Variants in CLEC12A observed in about 807,000 individuals in gnomAD.
The protein encoded by CLEC12A is C-type lectin protein CLL-1.
In CLEC12A, 22 loss-of-function variants were observed where a neutral mutation model predicts 26.5. That is an observed-to-expected ratio of 0.83 (90% confidence interval 0.59 to 1.19). The LOEUF is 1.19. Ranked by LOEUF, CLEC12A falls within the 50% of genes most tolerant of loss-of-function variation. The pLI is 0.00. For synonymous variants in CLEC12A, 119 were observed against 101.9 expected (o/e 1.17, Z -1.01); for missense variants, 353 against 315.6 (o/e 1.12, Z -0.90).
At chr12:9,991,763 A>T (rs1262034394) in intron 4 of CLEC12A, 4 of 152,180 alleles carry the variant, frequency 2.6e-5, no homozygotes, top group Non-Finnish European at 5.9e-5. Flanking sequence ...GATACTTTAT[A>T]TAATCATATT....
chr12:9,985,765 G>A (rs1864750595), downstream of CLEC12A: 1 of 300,036 alleles, frequency 3.3e-6, no homozygotes, highest in Non-Finnish European at 6.0e-6. Context: ...TTATACCCAA[G>A]AGGCTTTGTT....
At chr12:10,002,661 C>CTA in the CLEC12A span, among the ~76,000 whole-genome samples, 2 of 151,986 alleles carry the variant, frequency 1.3e-5, no homozygotes, top group Non-Finnish European at 2.9e-5. Context: ...CCAGGATGAT[C>CTA]TCGATCTCCT....
chr12:9,980,684 G>T lies in CLEC12A; in HGVS notation c.482G>T (p.Cys161Phe). ...ACATGGCAGGAGAGTAAAATGGCCT[G>T]TGCTGCTCAGAATGCCAGCCTGTTG... ...VQTWQESKMA[C>F]AAQNASLLKI... The change falls in exon 4 of 6, where the codon TGT becomes TTT. Residue 161 changes from cysteine (C) to phenylalanine (F), a missense_variant. By Grantham distance (205) the Cys-to-Phe change is radical. Coordinates refer to ENST00000304361, the MANE Select transcript of CLEC12A (RefSeq NM_138337.6). The T allele has an allele frequency of 6.2e-7, 1 of 1,613,830 alleles. No homozygotes were observed. The highest frequency in any genetic ancestry group is 8.5e-7 in the Non-Finnish European group (1 of 1,179,848).
chr12:10,002,669 C>G, the CLEC12A span, among the ~76,000 whole-genome samples: 3 of 152,028 alleles, frequency 2.0e-5, no homozygotes, highest in Non-Finnish European at 4.4e-5. Context: ...ATCTCGATCT[C>G]CTGACCTCGT....
In CLEC12A at chr12:9,953,487, G is replaced by A. The variant is rs551028123; in HGVS notation, c.10+2131G>A. Among the ~76,000 whole-genome samples, 868 of 109,168 alleles carry A rather than the reference G, an allele frequency of 8.0e-3. 12 individuals carry two copies. Among genetic ancestry groups the A allele is most frequent in the Admixed American group, 0.015 (144 of 9,414 alleles). The allele number at this position is 109,168 out of a possible 152,430, so 71.6% of individuals were successfully genotyped here. On this transcript the variant is annotated intron_variant, in intron 1 of 6. Coordinates refer to the CLEC12A transcript ENST00000355690. ...GGTCAGCCCCCCCGCCCAGCCAGCC[G>A]CCCCGTCCGGGAGGTGAGGGGCGCC...
chr12:9,993,453 G>A, intron 4 of CLEC12A: 1 of 645,084 alleles, frequency 1.6e-6, no homozygotes, highest in Non-Finnish European at 2.7e-6. Flanking sequence ...ACCCTGCTTG[G>A]CAGTACAAGA....
chr12:9,960,926 T>A (rs1000407439), intron 1 of CLEC12A, among the ~76,000 whole-genome samples: 2 of 152,282 alleles, frequency 1.3e-5, no homozygotes, highest in African/African-American at 4.8e-5. Flanking sequence ...AGCATCAAAC[T>A]CTGTAAAATA....
intron 1 of CLEC12A, among the ~76,000 whole-genome samples, chr12:9,961,260 G>A (rs530387740): frequency 9.2e-5 from 14 of 152,314 alleles, no homozygotes; most frequent in Admixed American, 6.5e-5. Context: ...ATAATGAAGC[G>A]TGTTCGACAC....
chr12:9,952,859 C>T (rs1336594454), intron 1 of CLEC12A: 4 of 111,060 alleles, frequency 3.6e-5, no homozygotes, highest in Non-Finnish European at 1.9e-5. Flanking sequence ...CGCCTCTGCC[C>T]GGCCGAGACC....
downstream of CLEC12A, chr12:9,996,688 A>G: frequency 1.3e-6 from 1 of 764,744 alleles, no homozygotes; most frequent in Non-Finnish European, 2.3e-6. Context: ...TGGATTGAAT[A>G]TCTGGGTTCT....
At chr12:9,966,266 G>A (rs1338312361) in intron 1 of CLEC12A, among the ~76,000 whole-genome samples, 1 of 152,220 alleles carries the variant, frequency 6.6e-6, no homozygotes, top group Non-Finnish European at 1.5e-5. Context: ...CCTCCACTGT[G>A]AGAGTTACCT....
chr12:9,997,060 A>C (rs1159884414), downstream of CLEC12A: 3 of 1,609,166 alleles, frequency 1.9e-6, no homozygotes, highest in Admixed American at 3.4e-5. Context: ...CATTTTCTTC[A>C]CATTCAATGT....
intron 4 of CLEC12A, chr12:9,991,565 C>T (rs1864893344): frequency 6.6e-6 from 1 of 152,038 alleles, no homozygotes; most frequent in Non-Finnish European, 1.5e-5. Flanking sequence ...TCCAAGATCT[C>T]CAGACATTTG....
chr12:9,955,473 CT>C (rs1161241236), intron 1 of CLEC12A, among the ~76,000 whole-genome samples: 1 of 152,112 alleles, frequency 6.6e-6, no homozygotes, highest in African/African-American at 2.4e-5. Flanking sequence ...GCTTTGATAT[CT>C]CTTTTCTCAT....
chr12:9,973,294 C>G (rs1231250628), intron 1 of CLEC12A, among the ~76,000 whole-genome samples: 1 of 148,858 alleles, frequency 6.7e-6, no homozygotes, highest in Non-Finnish European at 1.5e-5. Flanking sequence ...TATGCCATGT[C>G]TATAAAAAAA....
At chr12:9,991,189 A>G (rs184119455) in intron 4 of CLEC12A, 1 of 152,304 alleles carries the variant, frequency 6.6e-6, no homozygotes, top group East Asian at 1.9e-4. Flanking sequence ...ACAGAAGTCA[A>G]ATTTTGCTGG....
chr12:9,967,632 C>T (rs1374626494), upstream of CLEC12A, among the ~76,000 whole-genome samples: 2 of 151,606 alleles, frequency 1.3e-5, no homozygotes, highest in Non-Finnish European at 2.9e-5. Flanking sequence ...TTCTTGCCCC[C>T]AAGAAGAGCG....
At chr12:9,972,112 G>A (rs1864154149) in intron 1 of CLEC12A, among the ~76,000 whole-genome samples, 1 of 151,424 alleles carries the variant, frequency 6.6e-6, no homozygotes, top group Non-Finnish European at 1.5e-5. Flanking sequence ...ACCTTTATAG[G>A]ATTTCATTTG....
intron 4 of CLEC12A, 149 bp downstream of exon 4, chr12:9,980,882 G>A (rs1225148470): frequency 1.3e-6 from 1 of 783,700 alleles, no homozygotes; most frequent in East Asian, 2.8e-5. Context: ...GATATCATAG[G>A]CAAGGTAAAA....
Sources: gnomAD v4.1 joint callset for allele counts (sites outside exome capture counted in the v4.1 genomes callset) on GRCh38, gnomAD v4.1.1 for gene constraint, MANE v1.5 for transcripts, NCBI Gene and HGNC (gene_info 2026-07-23, HGNC 2026-07-21) for gene names.